The following EIF4G1 variants were observed in gnomAD, a reference collection of about 807,000 sequenced individuals.
EIF4G1 encodes eukaryotic translation initiation factor 4 gamma 1.
A neutral mutation model predicts 187.8 loss-of-function variants in EIF4G1; 4 were observed. The ratio of observed to expected loss-of-function variants is 0.02; its 90% CI spans 0.01 to 0.05. The LOEUF (loss-of-function observed/expected upper bound fraction) is 0.05. EIF4G1 is among the 10% of genes least tolerant of loss of function. The probability of loss-of-function intolerance (pLI) is 1.00; values close to 1 mark genes in which losing one functional copy is unlikely to be tolerated. For synonymous variants in EIF4G1, 844 were observed against 781.4 expected, an observed-to-expected ratio of 1.08 and a Z score of -1.34; for missense variants, 1,647 against 2,081.1, an observed-to-expected ratio of 0.79 and a Z score of 4.06.
Position 184,331,523 on chromosome 3 carries a change from CT to C in EIF4G1, c.4313del (p.Leu1438ProfsTer6). ...GTCGGAAGCCCCTGGCCAGAGGGCA[CT>C]CCCCTCCGAGGAGCTGAACAGGCAG... ...EESEAPGQRA[L>X]PSEELNRQLE... On this transcript the variant is annotated frameshift_variant, in exon 30 of 33. Coordinates refer to ENST00000346169, the MANE Select transcript of EIF4G1 (RefSeq NM_198241.3). LOFTEE classifies it high-confidence loss of function. 6.2e-7 allele frequency: 1 copy of C among 1,614,170 alleles called. No individual in the cohort carries two copies. The highest frequency in any genetic ancestry group is 8.5e-7 in the Non-Finnish European group (1 of 1,180,040).
Position 184,328,567 on chromosome 3 carries a change from C to T in EIF4G1, c.3954-64C>T, listed in dbSNP as rs1879244. The T allele has an allele frequency of 0.75, 1,209,660 of 1,612,336 alleles. 456,932 individuals are homozygous for T. Among genetic ancestry groups the T allele is most frequent in the African/African-American group, 0.96 (71,733 of 74,994 alleles). ...CATAGTTGATGCCCTAGCCATGCCA[C>T]GTTGCCCCAGAAGGAGAGTGGGGAC... On this transcript the variant is annotated intron_variant, in intron 26 of 32. Transcript: ENST00000346169.
In EIF4G1 at chr3:184,322,071, C is replaced by G; in HGVS notation, c.1487C>G (p.Ser496Cys). Residue 496 changes from serine (S) to cysteine (C), a missense_variant, in exon 10 of 33, where the codon TCT (serine) becomes TGT (cysteine). This residue lies in a region of EIF4G1 where 522 missense variants were observed against 485.2 expected (regional missense o/e 1.08). Transcript: ENST00000346169. The stretch of plus-strand genomic sequence containing the variant: ...AGTACCCCTATTCCAGCCAACTTGT[C>G]TCAGAATTTGGAGGCAGCAGCAGCC... ...PESTPIPANL[S>C]QNLEAAAATQ... 1 of 1,614,124 alleles carries G rather than the reference C, an allele frequency of 6.2e-7. No individual in the cohort carries two copies. Among genetic ancestry groups the G allele is most frequent in the Non-Finnish European group, 8.5e-7 (1 of 1,180,030 alleles).
At chr3:184,320,499 G>C in intron 7 of EIF4G1, 131 bp from the exon 8 acceptor site, 1 of 1,559,088 alleles carries the variant, frequency 6.4e-7, no homozygotes, top group Non-Finnish European at 8.6e-7. Context: ...TGGAACTCAA[G>C]GGGTTTCTGG....
intron 6 of EIF4G1, chr3:184,319,475 G>T (rs913630223): frequency 1.4e-5 from 6 of 430,312 alleles, no homozygotes; most frequent in Non-Finnish European, 2.2e-5. Context: ...GTTTGTGTGT[G>T]TGTGTGTGTT....
intron 7 of EIF4G1, chr3:184,320,350 C>T (rs1198388646): frequency 7.4e-7 from 1 of 1,350,986 alleles, no homozygotes; most frequent in Admixed American, 3.1e-5. Context: ...TGTGCAGCCA[C>T]TGACTTGGGG....
intron 26 of EIF4G1, 62 bp from the exon 27 acceptor site, chr3:184,328,569 T>G: frequency 6.2e-7 from 1 of 1,612,472 alleles, no homozygotes; most frequent in African/African-American, 1.3e-5. Context: ...CCATGCCACG[T>G]TGCCCCAGAA....
At chr3:184,319,272 G>A (rs1723353970) in intron 6 of EIF4G1, 3 of 207,732 alleles carry the variant, frequency 1.4e-5, no homozygotes, top group Admixed American at 1.0e-4. Flanking sequence ...CTCATTACCA[G>A]CCAAAGACCT....
At position 184,332,347 on chromosome 3, in the gene EIF4G1, T is replaced by C. The variant is rs569815223; in HGVS notation, c.4618+261T>C. 7.2e-5 allele frequency among the ~76,000 whole-genome samples: 11 copies of C among 152,310 alleles called. No individual in the cohort carries two copies. In the South Asian group the frequency reaches 1.7e-3, roughly 23 times the overall value. On this transcript the variant is annotated intron_variant, in intron 32 of 32. Transcript: ENST00000346169. ...ATGCCAACAGTGCAGAGGTGATAAATGATAGGATCTTCCCAGTACCGTGTG... is the reference window on the plus strand; with the variant it reads ...ATGCCAACAGTGCAGAGGTGATAAACGATAGGATCTTCCCAGTACCGTGTG...
Position 184,334,816 on chromosome 3 carries a change from G to A in EIF4G1, c.4708G>A (p.Ala1570Thr), listed in dbSNP as rs1464287573. ...CAGTTGGGAGAGTAGCAAGGACCCC[G>A]CTGAGCAGCAGGGCAAGGGTGTGGC... ...FYSWESSKDP[A>T]EQQGKGVALK... Residue 1570 changes from alanine (A) to threonine (T), a missense_variant, in exon 33 of 33, where the codon GCT (alanine) becomes ACT (threonine). Physicochemically the swap from Ala to Thr is moderately conservative, Grantham distance 58 (BLOSUM62 0). Coordinates refer to ENST00000346169, the MANE Select transcript of EIF4G1 (RefSeq NM_198241.3). This position sits in a 1 kb window ranked among gnomAD's most constrained non-coding sequence, Gnocchi z 5.8. 5.0e-6 allele frequency: 8 copies of A among 1,614,088 alleles called. No individual in the cohort carries two copies. Among genetic ancestry groups the A allele is most frequent in the Admixed American group, 1.7e-5 (1 of 60,012 alleles).
rs776839352 is a variant in EIF4G1 at position 184,325,859 on chromosome 3, C to G, written c.3130C>G (p.Leu1044Val). The change falls in exon 21 of 33, where the codon CTT (leucine) becomes GTT (valine). Residue 1044 changes from leucine (L) to valine (V), a missense_variant. Around this residue, in one of 11 missense-constraint regions of EIF4G1, gnomAD observed 142 missense variants for 296.6 expected, o/e 0.48. Coordinates refer to ENST00000346169, the MANE Select transcript of EIF4G1 (RefSeq NM_198241.3). This position sits in a 1 kb window ranked among gnomAD's most constrained non-coding sequence, Gnocchi z 5.2. ...GPPGPPISRG[L>V]PLVDDGGWNT... ...CCCTCTTTTTGTGTCAGGCCGTGGA[C>G]TTCCCCTTGTGGATGATGGTGGCTG... 4 of 1,613,992 alleles carry G rather than the reference C, an allele frequency of 2.5e-6. No individual in the cohort carries two copies. The Admixed American group carries it at 6.7e-5, about 27-fold the overall frequency.
intron 26 of EIF4G1, 41 bp downstream of exon 26, chr3:184,328,043 A>G: frequency 1.3e-6 from 2 of 1,595,174 alleles, no homozygotes; most frequent in Non-Finnish European, 1.7e-6. Context: ...ATACAGACCC[A>G]CAATTTTCTA....
At chr3:184,328,461 G>A (rs1161362115) in intron 26 of EIF4G1, 170 bp from the exon 27 acceptor site, 8 of 924,780 alleles carry the variant, frequency 8.7e-6, no homozygotes, top group Non-Finnish European at 1.4e-5. Context: ...GGTTAAGCGG[G>A]GTGAAAACCA....
At position 184,321,808 on chromosome 3, in the gene EIF4G1, C is replaced by G. The variant is rs1364981547; in HGVS notation, c.1224C>G (p.Pro408=). ...AQPEELLNGA[P]SPPAVDLSPV... ...CTGAGGAACTGCTCAACGGAGCCCCCTCGCCACCAGCTGTGGACTTAAGCC... is the reference window on the plus strand; with the variant it reads ...CTGAGGAACTGCTCAACGGAGCCCCGTCGCCACCAGCTGTGGACTTAAGCC... Residue 408 remains proline, a synonymous_variant, in exon 10 of 33, where the codon CCC becomes CCG. Coordinates refer to ENST00000346169, the MANE Select transcript of EIF4G1 (RefSeq NM_198241.3). The G allele has an allele frequency of 3.7e-6, 6 of 1,613,870 alleles. No homozygotes were observed. The highest frequency in any genetic ancestry group is 5.1e-6 in the Non-Finnish European group (6 of 1,179,870).
chr3:184,329,129 T>G, intron 28 of EIF4G1, 139 bp downstream of exon 28: 1 of 1,025,748 alleles, frequency 9.7e-7, no homozygotes, highest in Non-Finnish European at 1.5e-6. Context: ...GGAGAGGAAA[T>G]ACTGAGGTGG....
rs765574482 is a variant in EIF4G1, at chr3:184,328,723, A to G, written c.4046A>G (p.Gln1349Arg). 20 of 1,614,048 alleles carry G rather than the reference A, an allele frequency of 1.2e-5. No homozygotes were observed. The highest frequency in any genetic ancestry group is 9.9e-5 in the South Asian group (9 of 91,092). Residue 1349 changes from glutamine (Q) to arginine (R), a missense_variant, in exon 27 of 33, where the codon CAG becomes CGG. Physicochemically the swap from Gln to Arg is conservative, Grantham distance 43. Transcript: ENST00000346169. Reference sequence around the variant, plus strand: ...GCGGAACTGGTAACACCCATTCTGCAGGAAGGTGGGGTGCCCATGGGGGAG... The same window carrying G: ...GCGGAACTGGTAACACCCATTCTGCGGGAAGGTGGGGTGCCCATGGGGGAG... ...YLAELVTPIL[Q>R]EGGVPMGELF...
Position 184,324,320 on chromosome 3 carries a change from G to C in EIF4G1, c.2592G>C (p.Lys864Asn), listed in dbSNP as rs1311721615. The change falls in exon 17 of 33, where the codon AAG becomes AAC. Residue 864 changes from lysine (K) to asparagine (N), a missense_variant. By Grantham distance (94) the Lys-to-Asn change is moderately conservative. Transcript: ENST00000346169. ...DKDDDEVFEK[K>N]QKEMDEAATA... ...ATGATGATGAGGTTTTTGAGAAGAA[G>C]CAAAAAGAGATGGATGAAGCTGCTA... The C allele has an allele frequency of 6.2e-7, 1 of 1,614,154 alleles. No homozygotes were observed.
chr3:184,322,438 T>C lies in EIF4G1; in HGVS notation c.1596T>C (p.Asp532=), dbSNP rs756473152. ...NKKEAVGDLL[D]AFKEANPAVP... is the part of the protein sequence containing the mutation. ...AGGAGGCTGTTGGAGACCTTCTGGA[T>C]GCCTTCAAGGAGGTAAGGGAGCAGA... Residue 532 remains aspartate, a synonymous_variant, in exon 11 of 33, where the codon GAT becomes GAC. Transcript: ENST00000346169. 6.2e-7 allele frequency: 1 copy of C among 1,614,154 alleles called. No individual in the cohort carries two copies. Among genetic ancestry groups the C allele is most frequent in the Non-Finnish European group, 8.5e-7 (1 of 1,180,016 alleles).
Position 184,335,069 on chromosome 3 carries a change from CTGCCTGGGCCCCCCT to C in EIF4G1, c.*162_*176del. On this transcript the variant is annotated 3_prime_UTR_variant, in exon 33 of 33. Transcript: ENST00000346169. Reference sequence around the variant, plus strand: ...GCTGAAGAGGCAGGATGGCTTGGGGCTGCCTGGGCCCCCCTCCAGGATGCCGCCAGGTGTCCCTCT... The same window carrying C: ...GCTGAAGAGGCAGGATGGCTTGGGGCCCAGGATGCCGCCAGGTGTCCCTCT... The C allele has an allele frequency of 2.1e-6, 2 of 959,478 alleles. No individual in the cohort carries two copies. The highest frequency in any genetic ancestry group is 3.1e-6 in the Non-Finnish European group (2 of 642,318). The allele number at this position is 959,478 out of a possible 1,614,324, so 59.4% of individuals were successfully genotyped here.
chr3:184,318,671 C>G (rs951911634), intron 6 of EIF4G1, among the ~76,000 whole-genome samples: 3 of 152,182 alleles, frequency 2.0e-5, no homozygotes, highest in Non-Finnish European at 4.4e-5. Flanking sequence ...GTCGCACAGT[C>G]TTGGCTCTCT....
Sources: allele counts gnomAD v4.1 joint callset (sites outside exome capture counted in the v4.1 genomes callset), GRCh38; gene constraint gnomAD v4.1.1; regional missense constraint gnomAD v4.1.1; non-coding constraint Gnocchi (gnomAD v3.1); transcripts MANE v1.5; gene names NCBI Gene and HGNC (gene_info 2026-07-23, HGNC 2026-07-21).